The following PRKCE variants were observed in gnomAD, a reference collection of about 807,000 sequenced individuals.
The protein encoded by PRKCE is protein kinase C epsilon type.
Under a neutral mutation model 85.4 loss-of-function variants are expected in PRKCE, and 16 were observed. The observed-to-expected ratio is 0.19, with a 90% CI of 0.13 to 0.28. The LOEUF is 0.28. Among genes scored for constraint, PRKCE ranks in the 10% least tolerant of loss-of-function variants. The pLI is 1.00. For missense variants in PRKCE, 573 were observed against 975.2 expected (o/e 0.59, Z 5.49); for synonymous variants, 388 against 371.5 (o/e 1.04, Z -0.51).
intron 1 of PRKCE, among the ~76,000 whole-genome samples, chr2:45,796,446 TG>T (rs1687442235): frequency 1.3e-5 from 2 of 152,200 alleles, no homozygotes; most frequent in Non-Finnish European, 2.9e-5. Flanking sequence ...GGTGTATGGG[TG>T]CCACATAATA....
chr2:45,857,023 G>C (rs753038635), intron 2 of PRKCE, among the ~76,000 whole-genome samples: 1 of 152,214 alleles, frequency 6.6e-6, no homozygotes, highest in Admixed American at 6.5e-5. Flanking sequence ...TGAGTGTGCA[G>C]ATGTCTCTTT....
chr2:45,708,651 G>A (rs914544867), intron 1 of PRKCE, among the ~76,000 whole-genome samples: 6 of 152,154 alleles, frequency 3.9e-5, no homozygotes, highest in South Asian at 2.1e-4. Context: ...GCCCAGCCTC[G>A]GGTATGTCTT....
At chr2:46,039,464 C>T (rs1372875953) in intron 10 of PRKCE, among the ~76,000 whole-genome samples, 1 of 152,134 alleles carries the variant, frequency 6.6e-6, no homozygotes, top group African/African-American at 2.4e-5. Context: ...CCACTGAGGC[C>T]TGTTCTTCTA....
intron 2 of PRKCE, among the ~76,000 whole-genome samples, chr2:45,919,045 A>T (rs965834909): frequency 6.6e-6 from 1 of 152,158 alleles, no homozygotes; most frequent in African/African-American, 2.4e-5. Context: ...GTTAGGCTGG[A>T]GGCCAGCCCA....
At chr2:45,858,292 A>C (rs1692842618) in intron 2 of PRKCE, among the ~76,000 whole-genome samples, 1 of 150,838 alleles carries the variant, frequency 6.6e-6, no homozygotes, top group Admixed American at 6.6e-5. Context: ...AACATAAATC[A>C]AACCAGCGTC....
chr2:45,797,280 C>G (rs1178245941), intron 1 of PRKCE, among the ~76,000 whole-genome samples: 1 of 152,206 alleles, frequency 6.6e-6, no homozygotes, highest in Non-Finnish European at 1.5e-5. Flanking sequence ...AACAAAACCC[C>G]TACCAGAAAT....
At chr2:46,000,560 T>G (rs1034868323) in intron 6 of PRKCE, among the ~76,000 whole-genome samples, 1 of 152,072 alleles carries the variant, frequency 6.6e-6, no homozygotes, top group African/African-American at 2.4e-5. Context: ...AAAATGGTTC[T>G]CTCCCCACGT....
intron 3 of PRKCE, chr2:45,977,999 C>T (rs1702593686): frequency 6.6e-6 from 1 of 152,210 alleles, no homozygotes; most frequent in South Asian, 2.1e-4. Context: ...TTCCAGGTGT[C>T]CAGTAGTCAC....
At chr2:45,709,808 G>A (rs1301240567) in intron 1 of PRKCE, among the ~76,000 whole-genome samples, 1 of 152,046 alleles carries the variant, frequency 6.6e-6, no homozygotes, top group African/African-American at 2.4e-5. Context: ...CTGTGACCAT[G>A]TATCTTTTTT....
At chr2:46,157,931 G>A (rs1677375777) in intron 13 of PRKCE, among the ~76,000 whole-genome samples, 1 of 152,238 alleles carries the variant, frequency 6.6e-6, no homozygotes, top group Admixed American at 6.5e-5. Flanking sequence ...CAGAACTTTA[G>A]AGAAGGCCAT....
intron 10 of PRKCE, among the ~76,000 whole-genome samples, chr2:46,072,389 T>C (rs1463895975): frequency 2.0e-5 from 3 of 152,240 alleles, no homozygotes; most frequent in African/African-American, 7.2e-5. Context: ...TGAAAGGGGA[T>C]TTAGCAGAGT....
At chr2:45,709,473 G>T (rs1679418062) in intron 1 of PRKCE, among the ~76,000 whole-genome samples, 1 of 152,234 alleles carries the variant, frequency 6.6e-6, no homozygotes, top group Admixed American at 6.5e-5. Flanking sequence ...TGCAGCAGCT[G>T]GGTGTGGACT....
intron 2 of PRKCE, among the ~76,000 whole-genome samples, chr2:45,916,829 C>A (rs1697822253): frequency 6.6e-6 from 1 of 152,174 alleles, no homozygotes; most frequent in South Asian, 2.1e-4. Context: ...AGTGTTACAG[C>A]TCTTAAGGTG....
At chr2:45,846,802 T>G (rs866304671) in intron 2 of PRKCE, among the ~76,000 whole-genome samples, 6 of 152,178 alleles carry the variant, frequency 3.9e-5, no homozygotes, top group Non-Finnish European at 8.8e-5. Context: ...GGATAATGGT[T>G]CCTATGGTAG....
chr2:46,057,402 A>C (rs1228022341), intron 10 of PRKCE, among the ~76,000 whole-genome samples: 1 of 152,110 alleles, frequency 6.6e-6, no homozygotes, highest in Admixed American at 6.6e-5. Flanking sequence ...TATTGGAAAC[A>C]GAGGGAACCA....
At chr2:45,836,370 A>G (rs889666731) in intron 1 of PRKCE, among the ~76,000 whole-genome samples, 1 of 152,224 alleles carries the variant, frequency 6.6e-6, no homozygotes, top group Non-Finnish European at 1.5e-5. Context: ...TTGACCAGTC[A>G]CTGCACACTA....
At chr2:45,937,840 G>T (rs1198956106) in intron 2 of PRKCE, among the ~76,000 whole-genome samples, 1 of 152,164 alleles carries the variant, frequency 6.6e-6, no homozygotes, top group Non-Finnish European at 1.5e-5. Flanking sequence ...TCCAACTCTG[G>T]AAGGTAGATA....
intron 1 of PRKCE, among the ~76,000 whole-genome samples, chr2:45,737,948 T>G (rs910724552): frequency 1.3e-5 from 2 of 152,094 alleles, no homozygotes; most frequent in African/African-American, 4.8e-5. Context: ...CATTCTTCCA[T>G]CTCCCTGGCT....
chr2:45,872,160 A>C (rs1034770701), intron 2 of PRKCE, among the ~76,000 whole-genome samples: 4 of 152,062 alleles, frequency 2.6e-5, no homozygotes, highest in Non-Finnish European at 4.4e-5. Context: ...GGTGATATGA[A>C]CTGTAGGGGG....
Sources: allele counts gnomAD v4.1 joint callset (sites outside exome capture counted in the v4.1 genomes callset), GRCh38; gene constraint gnomAD v4.1.1; transcripts MANE v1.5; gene names NCBI Gene and HGNC (gene_info 2026-07-23, HGNC 2026-07-21).